The following ASTN2 variants were observed in gnomAD, a reference collection of about 807,000 sequenced individuals.
The protein encoded by ASTN2 is astrotactin-2.
A neutral mutation model predicts 139.8 loss-of-function variants in ASTN2; 54 were observed. That is an observed-to-expected ratio of 0.39 (90% CI 0.31 to 0.48). The LOEUF (loss-of-function observed/expected upper bound fraction) is 0.48, where lower values mean the gene tolerates loss of function less well. Ranked by LOEUF, ASTN2 falls within the 20% of genes least tolerant of loss-of-function variation. ASTN2 has a pLI of 0.95. For missense variants in ASTN2, 1,565 were observed against 1,725.1 expected (o/e 0.91, Z 1.64); for synonymous variants, 756 against 719.5 (o/e 1.05, Z -0.81).
intron 2 of ASTN2, among the ~76,000 whole-genome samples, chr9:117,235,190 C>T (rs1423005408): frequency 6.6e-6 from 1 of 151,226 alleles, no homozygotes; most frequent in Non-Finnish European, 1.5e-5. Flanking sequence ...GCTGAGATCA[C>T]ACCATCGCAC....
intron 2 of ASTN2, among the ~76,000 whole-genome samples, chr9:117,273,393 T>C (rs556680288): frequency 6.6e-6 from 1 of 152,288 alleles, no homozygotes; most frequent in African/African-American, 2.4e-5. Context: ...TCCATTCTAG[T>C]AGAAGAGTTT....
At chr9:117,161,228 T>C (rs1020147546) in intron 3 of ASTN2, among the ~76,000 whole-genome samples, 6 of 151,934 alleles carry the variant, frequency 3.9e-5, no homozygotes, top group Non-Finnish European at 8.8e-5. Context: ...AGCATTCTCT[T>C]ACCATGTTGT....
At chr9:116,930,636 T>C (rs1834871198) in intron 10 of ASTN2, among the ~76,000 whole-genome samples, 1 of 152,144 alleles carries the variant, frequency 6.6e-6, no homozygotes, top group Non-Finnish European at 1.5e-5. Flanking sequence ...ATTGGGCACT[T>C]GGGAACTCTA....
chr9:117,289,813 T>A (rs1467123105), intron 2 of ASTN2, among the ~76,000 whole-genome samples: 4 of 152,202 alleles, frequency 2.6e-5, no homozygotes, highest in Admixed American at 1.3e-4. Context: ...GGAAAAAGTC[T>A]ATCACACTCA....
At chr9:116,959,698 G>A (rs1286700771) in intron 10 of ASTN2, among the ~76,000 whole-genome samples, 3 of 152,010 alleles carry the variant, frequency 2.0e-5, no homozygotes, top group African/African-American at 7.2e-5. Flanking sequence ...GCTTTAATTG[G>A]GGTCTTTTCT....
At position 117,407,249 on chromosome 9, in the gene ASTN2, A is replaced by G. The variant is rs894201184; in HGVS notation, c.442+7248T>C. Among the ~76,000 whole-genome samples, 2 of 152,234 alleles carry G rather than the reference A, an allele frequency of 1.3e-5. 1 individual carries two copies. The highest frequency in any genetic ancestry group is 4.8e-5 in the African/African-American group (2 of 41,462). On this transcript the variant is annotated intron_variant, in intron 1 of 22. Transcript: ENST00000313400. ...GTGTGATCAGGGACCTTGTACTACT[A>G]CAATAGGGAGAGGGAAATTCAACAC...
At chr9:117,166,026 GA>G (rs1158084545) in intron 3 of ASTN2, among the ~76,000 whole-genome samples, 1 of 151,950 alleles carries the variant, frequency 6.6e-6, no homozygotes, top group East Asian at 1.9e-4. Context: ...TCTCTGGAAA[GA>G]AATAGAAAAC....
intron 10 of ASTN2, among the ~76,000 whole-genome samples, chr9:116,868,037 A>C (rs1041713676): frequency 6.6e-6 from 1 of 152,130 alleles, no homozygotes; most frequent in Admixed American, 6.5e-5. Context: ...AAAGAGATGA[A>C]TGGAAGAGCA....
intron 19 of ASTN2, among the ~76,000 whole-genome samples, chr9:116,532,217 T>C (rs541497764): frequency 1.3e-5 from 2 of 152,326 alleles, no homozygotes; most frequent in South Asian, 2.1e-4. Flanking sequence ...GGGTTGTTTT[T>C]TTCTTGTAAA....
chr9:116,632,611 C>T (rs1856862712), intron 17 of ASTN2, among the ~76,000 whole-genome samples: 1 of 152,138 alleles, frequency 6.6e-6, no homozygotes, highest in African/African-American at 2.4e-5. Flanking sequence ...TACATTGAAC[C>T]CTTTGTCATG....
Position 116,685,115 on chromosome 9 carries a change from C to T in ASTN2, c.2807-33322G>A, listed in dbSNP as rs183484587. Among the ~76,000 whole-genome samples the T allele has an allele frequency of 2.0e-5, 3 of 152,304 alleles. No homozygotes were observed. The East Asian group carries it at 5.8e-4, about 29-fold the overall frequency. The stretch of plus-strand genomic sequence containing the variant: ...CAAGATGCTGAGCCTCCCTAAAATG[C>T]TTCTGAGATCAGTGCTTGAGATATT... On this transcript the variant is annotated intron_variant, in intron 16 of 22. Transcript: ENST00000313400.
chr9:117,113,998 C>T (rs1373957894), intron 4 of ASTN2, among the ~76,000 whole-genome samples: 3 of 151,662 alleles, frequency 2.0e-5, no homozygotes, highest in Non-Finnish European at 4.4e-5. Flanking sequence ...ACAAGTTATA[C>T]TTTAATAAAG....
chr9:116,750,572 C>T (rs893583415), intron 13 of ASTN2, among the ~76,000 whole-genome samples: 33 of 151,782 alleles, frequency 2.2e-4, no homozygotes, highest in Non-Finnish European at 4.4e-4. Context: ...CTTCTCTTTC[C>T]CTCTCTCTTT....
intron 1 of ASTN2, among the ~76,000 whole-genome samples, chr9:117,312,587 G>T (rs958698494): frequency 2.6e-5 from 4 of 152,150 alleles, no homozygotes; most frequent in African/African-American, 9.7e-5. Flanking sequence ...AAAATCAGAA[G>T]CAAAAGACAG....
intron 19 of ASTN2, among the ~76,000 whole-genome samples, chr9:116,570,598 C>A (rs1264846063): frequency 6.6e-6 from 1 of 152,164 alleles, no homozygotes; most frequent in Non-Finnish European, 1.5e-5. Flanking sequence ...GGGGTTTCAC[C>A]GTGTTAGCCA....
chr9:117,005,377 A>G (rs1837326913), intron 7 of ASTN2, among the ~76,000 whole-genome samples: 1 of 151,898 alleles, frequency 6.6e-6, no homozygotes, highest in African/African-American at 2.4e-5. Flanking sequence ...GAGAGTTCTT[A>G]TAATTTTATG....
At chr9:116,967,520 C>T (rs1032823510) in intron 10 of ASTN2, among the ~76,000 whole-genome samples, 3 of 152,158 alleles carry the variant, frequency 2.0e-5, no homozygotes, top group African/African-American at 4.8e-5. Flanking sequence ...CCTGAAGAAG[C>T]CACCCTTCTA....
chr9:116,563,588 T>A (rs565196026), intron 19 of ASTN2, among the ~76,000 whole-genome samples: 9 of 152,230 alleles, frequency 5.9e-5, no homozygotes, highest in Admixed American at 5.9e-4. Context: ...CTCCTTCCGA[T>A]CTTTGCTCCA....
intron 2 of ASTN2, among the ~76,000 whole-genome samples, chr9:117,280,416 T>TA (rs892938034): frequency 1.3e-5 from 2 of 152,010 alleles, no homozygotes; most frequent in African/African-American, 4.8e-5. Flanking sequence ...TGTAATTGAG[T>TA]AAAAAAATCT....
Sources: gnomAD v4.1 joint callset for allele counts (sites outside exome capture counted in the v4.1 genomes callset) on GRCh38, gnomAD v4.1.1 for gene constraint, MANE v1.5 for transcripts, NCBI Gene and HGNC (gene_info 2026-07-23, HGNC 2026-07-21) for gene names.